Variants in ESR1 observed in about 807,000 individuals in gnomAD.
ESR1 encodes estrogen receptor 1, also known as estrogen receptor.
Under a neutral mutation model 52.7 loss-of-function variants are expected in ESR1, and 12 were observed. That is an observed-to-expected ratio of 0.23 (90% CI 0.15 to 0.37). ESR1 has a LOEUF of 0.37. ESR1 is among the 10% of genes least tolerant of loss of function. The pLI is 1.00. For missense variants in ESR1, 584 were observed against 779.7 expected (o/e 0.75, Z 2.99); for synonymous variants, 305 against 316.8 (o/e 0.96, Z 0.39).
chr6:151,950,087 G>T (rs747223363), intron 4 of ESR1, among the ~76,000 whole-genome samples: 2 of 152,192 alleles, frequency 1.3e-5, no homozygotes, highest in Non-Finnish European at 2.9e-5. Context: ...TTCTGCACAA[G>T]CTCTTCTTCT....
chr6:151,901,351 G>A (rs905658961), intron 3 of ESR1, among the ~76,000 whole-genome samples: 2 of 152,170 alleles, frequency 1.3e-5, no homozygotes, highest in South Asian at 2.1e-4. Flanking sequence ...AGAACTTGCC[G>A]CAGGCTACCA....
At chr6:151,872,655 T>A (rs1225561151) in intron 2 of ESR1, among the ~76,000 whole-genome samples, 1 of 152,214 alleles carries the variant, frequency 6.6e-6, no homozygotes, top group East Asian at 1.9e-4. Flanking sequence ...TCCAATGATA[T>A]CATTGTTTGA....
chr6:151,767,852 C>T (rs1310991131), intron 2 of ESR1, among the ~76,000 whole-genome samples: 1 of 152,124 alleles, frequency 6.6e-6, no homozygotes, highest in East Asian at 1.9e-4. Context: ...AAAGAACCTG[C>T]AGAATAATAG....
intron 1 of ESR1, among the ~76,000 whole-genome samples, chr6:151,659,244 C>G (rs1777556871): frequency 6.6e-6 from 1 of 152,168 alleles, no homozygotes. Flanking sequence ...AACTCCTGAC[C>G]TCAGGTGATC....
intron 5 of ESR1, among the ~76,000 whole-genome samples, chr6:152,034,151 G>T (rs1175509285): frequency 7.2e-6 from 1 of 138,282 alleles, no homozygotes; most frequent in East Asian, 2.5e-4. Flanking sequence ...TGTGGTTGGG[G>T]AGGGGGGAGG....
At chr6:151,780,877 C>T (rs977149765) in intron 2 of ESR1, among the ~76,000 whole-genome samples, 3 of 152,152 alleles carry the variant, frequency 2.0e-5, no homozygotes, top group African/African-American at 7.2e-5. Context: ...TAGAAATTTC[C>T]AGCTAAACAT....
At chr6:151,877,334 T>G (rs568730692) in intron 2 of ESR1, among the ~76,000 whole-genome samples, 5 of 152,358 alleles carry the variant, frequency 3.3e-5, no homozygotes, top group Non-Finnish European at 5.9e-5. Flanking sequence ...ACTTTGTTGT[T>G]TTTCTTCTTC....
In ESR1 at chr6:152,103,086, GATTAAT is replaced by G. The variant is rs2051009027; in HGVS notation, c.*4123_*4128del. The G allele has an allele frequency of 9.0e-6, 2 of 222,116 alleles. No homozygotes were observed. The highest frequency in any genetic ancestry group is 1.8e-5 in the Non-Finnish European group (2 of 110,962). The allele number at this position is 222,116 out of a possible 1,614,324, so 13.8% of individuals were successfully genotyped here. A position where few individuals can be genotyped will look rare whatever the true frequency, so the allele number is the denominator to read the frequency against. On this transcript the variant is annotated 3_prime_UTR_variant, in exon 8 of 8. Transcript: ENST00000206249. ...CTCAAATGCCAAATTGTGTTTGATG[GATTAAT>G]ATGCCCTTTTGCCGATGCATACTAT... is the stretch of plus-strand genomic sequence containing the variant.
At chr6:152,068,669 A>G (rs1175537699) in intron 6 of ESR1, among the ~76,000 whole-genome samples, 2 of 152,258 alleles carry the variant, frequency 1.3e-5, no homozygotes, top group East Asian at 1.9e-4. Context: ...AAAATTCTTA[A>G]AGACAATTTA....
At chr6:152,123,701 A>G (rs1440980259) in intron 6 of ESR1, among the ~76,000 whole-genome samples, 1 of 152,252 alleles carries the variant, frequency 6.6e-6, no homozygotes, top group Admixed American at 6.5e-5. Context: ...ATGAACAAAA[A>G]TAAAAGATGT....
rs201562714 is a variant in ESR1 at position 152,098,813 on chromosome 6, C to T, written c.1635C>T (p.Asp545=). 6.3e-5 allele frequency: 101 copies of T among 1,614,070 alleles called. 1 individual carries two copies. Among genetic ancestry groups the T allele is most frequent in the Middle Eastern group, 1.6e-4 (1 of 6,084 alleles). Residue 545 remains aspartate (D), a synonymous_variant, in exon 8 of 8, where the codon GAC becomes GAT. Coordinates refer to ENST00000206249, the MANE Select transcript of ESR1 (RefSeq NM_000125.4). This position sits in a 1 kb window ranked among gnomAD's most constrained non-coding sequence, Gnocchi z 5.1. ...ATGACCTGCTGCTGGAGATGCTGGACGCCCACCGCCTACATGCGCCCACTA... is the reference window on the plus strand; with the variant it reads ...ATGACCTGCTGCTGGAGATGCTGGATGCCCACCGCCTACATGCGCCCACTA... ...PLYDLLLEML[D]AHRLHAPTSR... is the part of the protein sequence containing the mutation.
intron 4 of ESR1, among the ~76,000 whole-genome samples, 155 bp downstream of exon 4, chr6:151,944,663 C>G (rs2035494271): frequency 6.6e-6 from 1 of 152,174 alleles, no homozygotes; most frequent in Non-Finnish European, 1.5e-5. Context: ...TATCAATACA[C>G]TGTAATTTTC....
At chr6:151,924,886 G>T (rs2032400434) in intron 3 of ESR1, among the ~76,000 whole-genome samples, 1 of 151,758 alleles carries the variant, frequency 6.6e-6, no homozygotes, top group Non-Finnish European at 1.5e-5. Context: ...TTGATTCCAT[G>T]TTTTTGCTAT....
chr6:152,044,694 G>T (rs1045872820), intron 5 of ESR1, among the ~76,000 whole-genome samples: 2 of 152,206 alleles, frequency 1.3e-5, no homozygotes, highest in Admixed American at 6.5e-5. Flanking sequence ...CAGCACAGGA[G>T]AAAGATGGAA....
At chr6:151,812,573 C>T (rs545808250) in intron 1 of ESR1, among the ~76,000 whole-genome samples, 11 of 152,140 alleles carry the variant, frequency 7.2e-5, no homozygotes, top group South Asian at 6.2e-4. Flanking sequence ...TTCTAAAATC[C>T]GTACTCAGCA....
At chr6:151,776,517 G>A (rs577183827) in intron 2 of ESR1, among the ~76,000 whole-genome samples, 7 of 152,184 alleles carry the variant, frequency 4.6e-5, no homozygotes, top group Non-Finnish European at 8.8e-5. Flanking sequence ...TCACGCAGAG[G>A]CAGGGATAGA....
chr6:151,936,874 A>C (rs1383788722), intron 3 of ESR1, among the ~76,000 whole-genome samples: 1 of 152,202 alleles, frequency 6.6e-6, no homozygotes, highest in African/African-American at 2.4e-5. Flanking sequence ...TGAATGGCAC[A>C]GGAAAGAAAA....
At chr6:151,949,819 T>C (rs984453741) in intron 4 of ESR1, among the ~76,000 whole-genome samples, 4 of 152,266 alleles carry the variant, frequency 2.6e-5, no homozygotes, top group Admixed American at 6.5e-5. Context: ...CTGGATGCTA[T>C]TAAACCTTTA....
At chr6:151,680,862 C>T (rs772718039) in intron 1 of ESR1, among the ~76,000 whole-genome samples, 1 of 152,166 alleles carries the variant, frequency 6.6e-6, no homozygotes, top group Non-Finnish European at 1.5e-5. Context: ...AAAAATGAAC[C>T]GGTCTCCTCC....
Sources: gnomAD v4.1 joint callset for allele counts (sites outside exome capture counted in the v4.1 genomes callset) on GRCh38, gnomAD v4.1.1 for gene constraint, Gnocchi (gnomAD v3.1) non-coding constraint, MANE v1.5 for transcripts, NCBI Gene and HGNC (gene_info 2026-07-23, HGNC 2026-07-21) for gene names.